The following ANKK1 variants were observed in gnomAD, a reference collection of about 807,000 sequenced individuals.
The protein encoded by ANKK1 is ankyrin repeat and protein kinase domain-containing protein 1.
Under a neutral mutation model 37.6 loss-of-function variants are expected in ANKK1, and 37 were observed. That is an observed-to-expected ratio of 0.98 (90% CI 0.76 to 1.29). ANKK1 has a LOEUF of 1.29. Ranked by LOEUF, ANKK1 falls within the 50% of genes most tolerant of loss-of-function variation. ANKK1 has a pLI of 0.00. For missense variants in ANKK1, 1,019 were observed against 990.6 expected (o/e 1.03, Z -0.39); for synonymous variants, 415 against 418.7 (o/e 0.99, Z 0.11).
intron 3 of ANKK1, 74 bp from the exon 4 acceptor site, chr11:113,395,285 A>G: frequency 6.3e-7 from 1 of 1,584,496 alleles, no homozygotes; most frequent in African/African-American, 1.3e-5. Flanking sequence ...TAGCCCCCCG[A>G]CCCTGCCACC....
At chr11:113,398,707 C>T (rs766616190) in intron 7 of ANKK1, among the ~76,000 whole-genome samples, 1 of 152,210 alleles carries the variant, frequency 6.6e-6, no homozygotes, top group Non-Finnish European at 1.5e-5. Flanking sequence ...GATTTGCACT[C>T]GGGCCTCCTG....
At position 113,398,929 on chromosome 11, in the gene ANKK1, G is replaced by A. The variant is rs1950661689; in HGVS notation, c.995-35G>A. ...CATGATGACCTCTGGACGGGTCACA[G>A]GTCTTTTTTTTCAACCCCATCTTTC... is the stretch of plus-strand genomic sequence containing the variant. On this transcript the variant is annotated intron_variant, in intron 7 of 7. Transcript: ENST00000303941. 7.8e-6 allele frequency: 12 copies of A among 1,533,004 alleles called. No homozygotes were observed. In the East Asian group the frequency reaches 2.9e-4, roughly 37 times the overall value. 95.0% of individuals were successfully genotyped at this position (1,533,004 alleles called of 1,614,324 possible).
At chr11:113,393,288 G>A (rs558707928) in intron 1 of ANKK1, among the ~76,000 whole-genome samples, 193 bp from the exon 2 acceptor site, 10 of 152,116 alleles carry the variant, frequency 6.6e-5, no homozygotes, top group Non-Finnish European at 1.3e-4. Context: ...CTGCCTTGTT[G>A]CTGCTGTACT....
rs529371186 is a variant in ANKK1, at chr11:113,396,074, C to T, written c.690C>T (p.Asn230=). ...CTGAGCCTCCCTTTGCAGGGTTCAA[C>T]ATGATGATGATTATTATCCGAGTGG... ...LTQKKPYSGF[N]MMMIIIRVAA... The change falls in exon 5 of 8, where the codon AAC becomes AAT. Residue 230 remains asparagine, a synonymous_variant. Transcript: ENST00000303941. The T allele has an allele frequency of 1.4e-5, 23 of 1,614,000 alleles. No individual in the cohort carries two copies. The highest frequency in any genetic ancestry group is 9.3e-5 in the African/African-American group (7 of 75,078).
rs1030776717 is a variant in ANKK1 at position 113,397,165 on chromosome 11, A to G, written c.839-59A>G. On this transcript the variant is annotated intron_variant, in intron 5 of 7. Transcript: ENST00000303941. ...GAATGTTAGGGTATCTAAAACAGGG[A>G]GGGTACTGTGGGCCAGCCCGTTGCT... The G allele has an allele frequency of 2.2e-6, 3 of 1,369,020 alleles. No individual in the cohort carries two copies. In the Admixed American group the frequency reaches 5.6e-5, roughly 25 times the overall value. 84.8% of individuals were successfully genotyped at this position (1,369,020 alleles called of 1,614,324 possible).
At chr11:113,398,314 TAAAA>T (rs10585601) in intron 7 of ANKK1, among the ~76,000 whole-genome samples, 38 of 128,140 alleles carry the variant, frequency 3.0e-4, no homozygotes, top group Admixed American at 3.8e-4. Flanking sequence ...CTCGGGAAAT[TAAAA>T]AAAAAAAAAA....
rs1311755003 is a variant in ANKK1, at chr11:113,400,207, C to G, written c.2238C>G (p.Gly746=). The G allele has an allele frequency of 1.3e-6, 2 of 1,555,424 alleles. No homozygotes were observed. The highest frequency in any genetic ancestry group is 2.4e-5 in the East Asian group (1 of 41,134). Residue 746 remains glycine (G), a synonymous_variant, in exon 8 of 8, where the codon GGC becomes GGG. Transcript: ENST00000303941. ...RKQGIMSFLE[G]KEPSVATLGG... is the part of the protein sequence containing the mutation. ...AGGGCATCATGTCCTTCCTAGAGGG[C>G]AAGGAGCCGTCAGTGGCCACTCTGG...
chr11:113,397,929 C>G, intron 6 of ANKK1, 51 bp from the exon 7 acceptor site: 1 of 1,547,038 alleles, frequency 6.5e-7, no homozygotes, highest in East Asian at 2.4e-5. Flanking sequence ...AGGGCACAGG[C>G]TAGAACTGCG....
At chr11:113,396,911 AT>A in intron 5 of ANKK1, among the ~76,000 whole-genome samples, 1 of 152,196 alleles carries the variant, frequency 6.6e-6, no homozygotes, top group African/African-American at 2.4e-5. Flanking sequence ...CAGGCTGAGG[AT>A]GGCCCATGAG....
At position 113,400,412 on chromosome 11, in the gene ANKK1, C is replaced by T; in HGVS notation, c.*145C>T. The T allele has an allele frequency of 1.1e-6, 1 of 873,876 alleles. No homozygotes were observed. The highest frequency in any genetic ancestry group is 2.7e-5 in the East Asian group (1 of 36,800). The allele number at this position is 873,876 out of a possible 1,614,324, so 54.1% of individuals were successfully genotyped here. A position where few individuals can be genotyped will look rare whatever the true frequency, so the allele number is the denominator to read the frequency against. On this transcript the variant is annotated 3_prime_UTR_variant, in exon 8 of 8. Transcript: ENST00000303941. ...TCTCTGCTAAAAATACAAAATTTAGCTGGGTATGGTGGCACGTGCCTGTAA... is the reference window on the plus strand; with the variant it reads ...TCTCTGCTAAAAATACAAAATTTAGTTGGGTATGGTGGCACGTGCCTGTAA...
At chr11:113,396,474 GAAC>G (rs1218882800) in intron 5 of ANKK1, among the ~76,000 whole-genome samples, 20 of 151,868 alleles carry the variant, frequency 1.3e-4, no homozygotes, top group South Asian at 2.1e-4. Flanking sequence ...TGAGTAGCCA[GAAC>G]AACAAGCACA....
chr11:113,395,475 C>A, intron 4 of ANKK1, 67 bp downstream of exon 4: 1 of 1,548,210 alleles, frequency 6.5e-7, no homozygotes, highest in Non-Finnish European at 8.9e-7. Flanking sequence ...CTGGAAGGGG[C>A]TGTGGGAGGA....
chr11:113,389,022 C>A (rs899509594), intron 1 of ANKK1, among the ~76,000 whole-genome samples: 1 of 152,126 alleles, frequency 6.6e-6, no homozygotes, highest in Non-Finnish European at 1.5e-5. Flanking sequence ...GCCTCAGGTG[C>A]CACACACTCA....
At position 113,393,634 on chromosome 11, in the gene ANKK1, C is replaced by T; in HGVS notation, c.339C>T (p.His113=). ...NGSLEKVLST[H]SLCWKLRFRI... ...CCCTGGAGAAGGTGCTGTCCACCCA[C>T]AGCCTCTGCTGGAAGCTCAGGTTCC... The change falls in exon 2 of 8, where the codon CAC becomes CAT. Residue 113 remains histidine, a synonymous_variant. Coordinates refer to ENST00000303941, the MANE Select transcript of ANKK1 (RefSeq NM_178510.2). 1 of 1,613,976 alleles carries T rather than the reference C, an allele frequency of 6.2e-7. No homozygotes were observed. The highest frequency in any genetic ancestry group is 8.5e-7 in the Non-Finnish European group (1 of 1,179,864).
chr11:113,395,290 G>A (rs1251630468), intron 3 of ANKK1, 69 bp from the exon 4 acceptor site: 2 of 1,589,840 alleles, frequency 1.3e-6, no homozygotes. Context: ...CCCCGACCCT[G>A]CCACCCCGGG....
chr11:113,393,554 T>A lies in ANKK1; in HGVS notation c.259T>A (p.Tyr87Asn). 1 of 1,614,026 alleles carries A rather than the reference T, an allele frequency of 6.2e-7. No individual in the cohort carries two copies. Among genetic ancestry groups the A allele is most frequent in the Non-Finnish European group, 8.5e-7 (1 of 1,179,900 alleles). ...KIKFQHIVSI[Y>N]GVCKQPLGIV... Reference sequence around the variant, plus strand: ...CAAGTTTCAGCACATCGTGTCTATCTACGGGGTGTGCAAGCAGCCCCTGGG... The same window carrying A: ...CAAGTTTCAGCACATCGTGTCTATCAACGGGGTGTGCAAGCAGCCCCTGGG... The change falls in exon 2 of 8, where the codon TAC (tyrosine) becomes AAC (asparagine). Residue 87 changes from tyrosine to asparagine, a missense_variant. Tyr to Asn is a moderately radical substitution (Grantham distance 143, BLOSUM62 -2). Coordinates refer to ENST00000303941, the MANE Select transcript of ANKK1 (RefSeq NM_178510.2).
At chr11:113,393,442 G>T (rs759401413) in intron 1 of ANKK1, 39 bp from the exon 2 acceptor site, 3 of 1,572,020 alleles carry the variant, frequency 1.9e-6, no homozygotes, top group South Asian at 2.4e-5. Flanking sequence ...AGTAATGAAT[G>T]GGTCACCCCC....
Position 113,390,476 on chromosome 11 carries a change from C to T in ANKK1, c.185+2407C>T, listed in dbSNP as rs531548268. Among the ~76,000 whole-genome samples, 5 of 152,306 alleles carry T rather than the reference C, an allele frequency of 3.3e-5. No homozygotes were observed. The East Asian group carries it at 9.7e-4, about 29-fold the overall frequency. ...GCATCAGGCTGGGCCTGGTGGCTCA[C>T]GCTTGTAATCCCAGCACTTTGAGAG... On this transcript the variant is annotated intron_variant, in intron 1 of 7. Coordinates refer to ENST00000303941, the MANE Select transcript of ANKK1 (RefSeq NM_178510.2).
intron 1 of ANKK1, among the ~76,000 whole-genome samples, chr11:113,391,550 T>C (rs1469514001): frequency 6.6e-6 from 1 of 152,004 alleles, no homozygotes; most frequent in Non-Finnish European, 1.5e-5. Context: ...AAGGTGGTGC[T>C]GGCAGGATTT....
Sources: gnomAD v4.1 joint callset for allele counts (sites outside exome capture counted in the v4.1 genomes callset) on GRCh38, gnomAD v4.1.1 for gene constraint, MANE v1.5 for transcripts, NCBI Gene and HGNC (gene_info 2026-07-23, HGNC 2026-07-21) for gene names.